The following HPS5 variants were observed in gnomAD, a reference collection of about 807,000 sequenced individuals.
HPS5 encodes the protein BLOC-2 complex member HPS5.
In HPS5, 83 loss-of-function variants were observed where a neutral mutation model predicts 128.0. The ratio of observed to expected loss-of-function variants is 0.65; its 90% confidence interval spans 0.54 to 0.78. HPS5 has a LOEUF of 0.78. HPS5 is among the 30% of genes least tolerant of loss of function. The pLI is 0.00. For synonymous variants in HPS5, 475 were observed against 470.2 expected (o/e 1.01, Z -0.13); for missense variants, 1,281 against 1,326.2 (o/e 0.97, Z 0.53).
intron 19 of HPS5, among the ~76,000 whole-genome samples, 163 bp from the exon 20 acceptor site, chr11:18,285,622 A>G (rs1246638737): frequency 6.6e-6 from 1 of 152,238 alleles, no homozygotes; most frequent in Non-Finnish European, 1.5e-5. Context: ...TATTTTTCCT[A>G]TAACCTGTTT....
chr11:18,313,216 T>C (rs367689440), intron 2 of HPS5, among the ~76,000 whole-genome samples: 9 of 151,618 alleles, frequency 5.9e-5, no homozygotes, highest in African/African-American at 2.0e-4. Context: ...CACATACTTA[T>C]TGAGGGAAAA....
intron 1 of HPS5, among the ~76,000 whole-genome samples, chr11:18,319,322 G>A (rs570644230): frequency 1.4e-3 from 203 of 146,544 alleles, no homozygotes; most frequent in Admixed American, 3.6e-3. Flanking sequence ...TAAGCAAACT[G>A]CTTTGTTAGA....
chr11:18,282,233 AG>A lies in HPS5; in HGVS notation c.3059-14del. ...TCTGGGATCCAACCTAAACACACAC[AG>A]GGAAGTGTCAGTTTGACCACTCTTA... On this transcript the variant is annotated splice_polypyrimidine_tract_variant and intron_variant, in intron 21 of 22. Coordinates refer to ENST00000349215, the MANE Select transcript of HPS5 (RefSeq NM_181507.2). 1 of 1,613,814 alleles carries A rather than the reference AG, an allele frequency of 6.2e-7. No individual in the cohort carries two copies. Among genetic ancestry groups the A allele is most frequent in the African/African-American group, 1.3e-5 (1 of 75,006 alleles).
rs1033240714 is a variant in HPS5, at chr11:18,308,986, T to C, written c.571A>G (p.Ile191Val). The C allele has an allele frequency of 3.1e-6, 5 of 1,613,956 alleles. No individual in the cohort carries two copies. Among genetic ancestry groups the C allele is most frequent in the Non-Finnish European group, 4.2e-6 (5 of 1,179,850 alleles). ...QLDYLDGRLL[I>V]SSLTRSFLCD... ...AAGAAGGATCGAGTAAGTGAAGATA[T>C]AAGTAGCCTTCCATCCAAATAATCT... Residue 191 changes from isoleucine to valine, a missense_variant, in exon 6 of 23, where the codon ATA (isoleucine) becomes GTA (valine). Coordinates refer to ENST00000349215, the MANE Select transcript of HPS5 (RefSeq NM_181507.2).
At chr11:18,283,344 AAAG>A (rs1859274699) in intron 21 of HPS5, among the ~76,000 whole-genome samples, 1 of 151,912 alleles carries the variant, frequency 6.6e-6, no homozygotes, top group African/African-American at 2.4e-5. Context: ...AAAAAAAAAA[AAAG>A]AGCCTAAGCA....
Position 18,291,548 on chromosome 11 carries a change from C to T in HPS5, c.2334G>A (p.Leu778=). 1 of 1,611,022 alleles carries T rather than the reference C, an allele frequency of 6.2e-7. No homozygotes were observed. Among genetic ancestry groups the T allele is most frequent in the African/African-American group, 1.3e-5 (1 of 74,918 alleles). ...AGTTCAGGAGAAAAAAGTACTTCTT[C>T]AGGAACTGGCAAGCCAGAATTTCAG... ...YSPEILACQF[L]KKYFFLLNLK... The change falls in exon 16 of 23, where the codon CTG becomes CTA. Residue 778 remains leucine (L), a synonymous_variant. Coordinates refer to ENST00000349215, the MANE Select transcript of HPS5 (RefSeq NM_181507.2).
Position 18,311,947 on chromosome 11 carries a change from T to G in HPS5, c.186A>C (p.Glu62Asp). The G allele has an allele frequency of 2.5e-6, 4 of 1,614,062 alleles. No homozygotes were observed. The highest frequency in any genetic ancestry group is 3.4e-6 in the Non-Finnish European group (4 of 1,179,876). ...SGGGLHLIQK[E>D]GWKHRLFLSH... ...AAAGAAAAAGCCTGTGCTTCCAGCC[T>G]TCTTTCTGAATGAGATGGAGTCCTC... Residue 62 changes from glutamate (E) to aspartate (D), a missense_variant, in exon 3 of 23, where the codon GAA becomes GAC. Physicochemically the swap from Glu to Asp is conservative, Grantham distance 45. Transcript: ENST00000349215.
intron 1 of HPS5, among the ~76,000 whole-genome samples, chr11:18,321,296 C>A (rs1281393715): frequency 6.6e-6 from 1 of 151,788 alleles, no homozygotes. Context: ...CTCTTTTTTT[C>A]TTTTTCATTC....
Position 18,315,078 on chromosome 11 carries a change from C to T in HPS5, c.108+2673G>A, listed in dbSNP as rs183789908. ...CTAACTTTTGCTTTTCTCCCTAAAA[C>T]GAGGGTTACACCAGACTCCCTGTTT... On this transcript the variant is annotated intron_variant, in intron 2 of 22. Coordinates refer to ENST00000349215, the MANE Select transcript of HPS5 (RefSeq NM_181507.2). 9.2e-5 allele frequency among the ~76,000 whole-genome samples: 14 copies of T among 152,236 alleles called. No individual in the cohort carries two copies. In the South Asian group the frequency reaches 1.0e-3, roughly 11 times the overall value.
chr11:18,293,041 A>ATTTT (rs1860623693), intron 14 of HPS5, 65 bp from the exon 15 acceptor site: 1 of 832,646 alleles, frequency 1.2e-6, no homozygotes, highest in Non-Finnish European at 1.9e-6. Flanking sequence ...GCTTTTTTTG[A>ATTTT]GACAGGGTCT....
chr11:18,310,720 A>C (rs1458227924), intron 5 of HPS5, 21 bp downstream of exon 5: 1 of 1,586,176 alleles, frequency 6.3e-7, no homozygotes, highest in South Asian at 1.1e-5. Context: ...TACATACACA[A>C]AGAATGGGAC....
chr11:18,307,781 G>A (rs973508455), intron 6 of HPS5, among the ~76,000 whole-genome samples: 1 of 151,106 alleles, frequency 6.6e-6, no homozygotes, highest in Non-Finnish European at 1.5e-5. Flanking sequence ...TGTTGGGAGG[G>A]AAAACAGGTT....
intron 16 of HPS5, 105 bp from the exon 17 acceptor site, chr11:18,288,118 G>T: frequency 8.1e-7 from 1 of 1,238,938 alleles, no homozygotes; most frequent in Non-Finnish European, 1.2e-6. Flanking sequence ...CCTACTGTGT[G>T]GACCTATTAT....
chr11:18,292,644 T>C (rs1345424460), intron 15 of HPS5, among the ~76,000 whole-genome samples: 4 of 152,240 alleles, frequency 2.6e-5, no homozygotes, highest in South Asian at 2.1e-4. Flanking sequence ...CTAGGAATAC[T>C]GGAAGTCAAA....
intron 14 of HPS5, among the ~76,000 whole-genome samples, chr11:18,294,126 C>T (rs1191521893): frequency 6.6e-6 from 1 of 152,110 alleles, no homozygotes. Context: ...CCACACTATG[C>T]CCAATTAAGG....
chr11:18,319,324 T>A (rs1864031071), intron 1 of HPS5, among the ~76,000 whole-genome samples: 1 of 148,900 alleles, frequency 6.7e-6, no homozygotes. Context: ...AGCAAACTGC[T>A]TTGTTAGAAC....
At chr11:18,299,070 G>C in intron 9 of HPS5, 100 bp from the exon 10 acceptor site, 2 of 1,164,396 alleles carry the variant, frequency 1.7e-6, no homozygotes, top group South Asian at 1.3e-5. Context: ...TTCTTACGTA[G>C]GGTTTGGCTT....
In HPS5 at chr11:18,291,928, C is replaced by T; in HGVS notation, c.1954G>A (p.Ala652Thr). The T allele has an allele frequency of 6.2e-7, 1 of 1,608,878 alleles. No individual in the cohort carries two copies. Among genetic ancestry groups the T allele is most frequent in the Non-Finnish European group, 8.5e-7 (1 of 1,178,572 alleles). The change falls in exon 16 of 23, where the codon GCC becomes ACC. Residue 652 changes from alanine (A) to threonine (T), a missense_variant. By Grantham distance (58) the Ala-to-Thr change is moderately conservative. Coordinates refer to ENST00000349215, the MANE Select transcript of HPS5 (RefSeq NM_181507.2). ...GAAACACCTGAAAAGTCCTTCATGGCAAATGTTTTTTCTAAATGTGAAAGC... is the reference window on the plus strand; with the variant it reads ...GAAACACCTGAAAAGTCCTTCATGGTAAATGTTTTTTCTAAATGTGAAAGC... ...EWLSHLEKTF[A>T]MKDFSGVSDT... is the part of the protein sequence containing the mutation.
Position 18,292,812 on chromosome 11 carries a change from G to A in HPS5, c.1862+87C>T, listed in dbSNP as rs76929453. The A allele has an allele frequency of 0.03, 27,610 of 932,914 alleles. 584 individuals carry two copies. The highest frequency in any genetic ancestry group is 0.038 in the South Asian group (2,904 of 77,206). 57.8% of individuals were successfully genotyped at this position (932,914 alleles called of 1,614,324 possible). On this transcript the variant is annotated intron_variant, in intron 15 of 22. Transcript: ENST00000349215. ...TAATCAACTATATATTTCATACAAGGCCCATAAAAAACTTACAATATAATG... is the reference window on the plus strand; with the variant it reads ...TAATCAACTATATATTTCATACAAGACCCATAAAAAACTTACAATATAATG...
Sources: gnomAD v4.1 joint callset for allele counts (sites outside exome capture counted in the v4.1 genomes callset) on GRCh38, gnomAD v4.1.1 for gene constraint, MANE v1.5 for transcripts, NCBI Gene and HGNC (gene_info 2026-07-23, HGNC 2026-07-21) for gene names.